The following XRCC4 variants were observed in gnomAD, a reference collection of about 807,000 sequenced individuals.
XRCC4 encodes DNA repair protein XRCC4.
In XRCC4, 28 loss-of-function variants were observed where a neutral mutation model predicts 39.1. The ratio of observed to expected loss-of-function variants is 0.72; its 90% CI spans 0.53 to 0.98. The LOEUF (loss-of-function observed/expected upper bound fraction) is 0.98. Ranked by LOEUF, XRCC4 falls within the 50% of genes least tolerant of loss-of-function variation. The probability of loss-of-function intolerance (pLI) is 0.00; values close to 1 mark genes in which losing one functional copy is unlikely to be tolerated. For synonymous variants in XRCC4, 123 were observed against 126.4 expected (o/e 0.97, Z 0.18); for missense variants, 350 against 376.4 (o/e 0.93, Z 0.58).
chr5:83,128,819 T>C (rs1221969782), intron 3 of XRCC4, among the ~76,000 whole-genome samples: 1 of 152,072 alleles, frequency 6.6e-6, no homozygotes, highest in East Asian at 1.9e-4. Flanking sequence ...TTTGATGGGG[T>C]TGTTTGATTT....
chr5:83,297,726 C>G (rs1755143859), intron 7 of XRCC4, among the ~76,000 whole-genome samples: 1 of 151,698 alleles, frequency 6.6e-6, no homozygotes, highest in Non-Finnish European at 1.5e-5. Context: ...TTTGTTATTT[C>G]TCTTTGGTAC....
intron 7 of XRCC4, among the ~76,000 whole-genome samples, chr5:83,271,084 T>C (rs530196749): frequency 2.6e-5 from 4 of 152,348 alleles, no homozygotes; most frequent in Non-Finnish European, 5.9e-5. Flanking sequence ...ATGAACCTGA[T>C]TGAAGTTTTC....
intron 4 of XRCC4, among the ~76,000 whole-genome samples, chr5:83,196,845 C>A (rs1750971651): frequency 6.6e-6 from 1 of 151,636 alleles, no homozygotes; most frequent in Non-Finnish European, 1.5e-5. Context: ...TTTAGCGCAA[C>A]CATTGTGATT....
At chr5:83,173,557 TAAAG>T (rs1396990570) in intron 3 of XRCC4, among the ~76,000 whole-genome samples, 1 of 152,120 alleles carries the variant, frequency 6.6e-6, no homozygotes, top group Non-Finnish European at 1.5e-5. Flanking sequence ...TCTAAAATCA[TAAAG>T]AAGAGATCAC....
downstream of XRCC4, among the ~76,000 whole-genome samples, chr5:83,358,268 G>C (rs1025016692): frequency 6.6e-6 from 1 of 152,066 alleles, no homozygotes; most frequent in African/African-American, 2.4e-5. Flanking sequence ...CACCATCGCT[G>C]TTCCTGACTC....
At chr5:83,366,770 G>C in the XRCC4 span, among the ~76,000 whole-genome samples, 1 of 151,904 alleles carries the variant, frequency 6.6e-6, no homozygotes. Flanking sequence ...AACATGCTGT[G>C]TTTCCTAGCA....
At chr5:83,351,709 TC>T (rs902441880) in intron 7 of XRCC4, among the ~76,000 whole-genome samples, 9 of 152,178 alleles carry the variant, frequency 5.9e-5, no homozygotes, top group African/African-American at 1.9e-4. Flanking sequence ...ACCTTGGCAC[TC>T]CTGTGATGAT....
intron 7 of XRCC4, among the ~76,000 whole-genome samples, chr5:83,288,404 C>T (rs78147329): frequency 0.023 from 3,433 of 151,900 alleles, 113 homozygotes; most frequent in African/African-American, 0.077. Context: ...TCTTATTCAC[C>T]TTTCACTTCT....
intron 6 of XRCC4, among the ~76,000 whole-genome samples, chr5:83,216,777 A>C (rs1181310614): frequency 6.6e-6 from 1 of 152,178 alleles, no homozygotes; most frequent in Admixed American, 6.6e-5. Flanking sequence ...ATATATAGGT[A>C]CTGAAAACCG....
chr5:83,190,237 T>A (rs906889546), intron 3 of XRCC4, among the ~76,000 whole-genome samples: 1 of 152,136 alleles, frequency 6.6e-6, no homozygotes, highest in African/African-American at 2.4e-5. Flanking sequence ...CACCTTTTTT[T>A]AAACATATCT....
intron 1 of XRCC4, among the ~76,000 whole-genome samples, chr5:83,100,959 TA>T (rs1197087586): frequency 6.6e-6 from 1 of 152,138 alleles, no homozygotes; most frequent in Non-Finnish European, 1.5e-5. Context: ...CAAAGGACCT[TA>T]TTGTAGGAGA....
At chr5:83,110,647 C>G (rs149478049) in intron 2 of XRCC4, among the ~76,000 whole-genome samples, 1 of 152,104 alleles carries the variant, frequency 6.6e-6, no homozygotes, top group East Asian at 1.9e-4. Flanking sequence ...GCTATTGAAT[C>G]TTTGATGCAA....
intron 6 of XRCC4, among the ~76,000 whole-genome samples, chr5:83,207,888 C>T (rs1361066794): frequency 6.6e-6 from 1 of 151,978 alleles, no homozygotes; most frequent in Admixed American, 6.6e-5. Context: ...TAATAAATTA[C>T]TTGCTCTTTG....
rs70973389 is a variant in XRCC4, at chr5:83,300,546, T to TTGTGTGTGTG, written c.893+41891_893+41900dup. ...ATGACACACTAATTTTATCTTTTGTTTGTGTGTGTGTGTGTGTGTGTGTGT... is the reference window on the plus strand; with the variant it reads ...ATGACACACTAATTTTATCTTTTGTTTGTGTGTGTGTGTGTGTGTGTGTGTGTGTGTGTGT... On this transcript the variant is annotated intron_variant, in intron 7 of 7. Transcript: ENST00000396027. Among the ~76,000 whole-genome samples the TTGTGTGTGTG allele has an allele frequency of 0.017, 2,166 of 126,942 alleles. 228 individuals are homozygous for TTGTGTGTGTG. In the East Asian group the frequency reaches 0.3, roughly 18 times the overall value. The allele number at this position is 126,942 out of a possible 152,430, so 83.3% of individuals were successfully genotyped here. A position where few individuals can be genotyped will look rare whatever the true frequency, so the allele number is the denominator to read the frequency against.
intron 7 of XRCC4, among the ~76,000 whole-genome samples, chr5:83,322,506 C>T (rs1387840319): frequency 2.0e-5 from 3 of 152,258 alleles, no homozygotes; most frequent in East Asian, 3.9e-4. Flanking sequence ...CTCCCCCAAC[C>T]GCCGCATGCG....
chr5:83,369,992 G>T, the XRCC4 span, among the ~76,000 whole-genome samples: 1 of 152,060 alleles, frequency 6.6e-6, no homozygotes, highest in Non-Finnish European at 1.5e-5. Context: ...TTGAAAATAT[G>T]AGTCTTTTTC....
At chr5:83,178,924 T>C (rs1372936442) in intron 3 of XRCC4, among the ~76,000 whole-genome samples, 1 of 152,154 alleles carries the variant, frequency 6.6e-6, no homozygotes, top group Non-Finnish European at 1.5e-5. Context: ...AGGCTTTGCA[T>C]GTGGTACTCC....
intron 3 of XRCC4, among the ~76,000 whole-genome samples, chr5:83,132,619 A>G (rs1316974503): frequency 6.6e-6 from 1 of 150,976 alleles, no homozygotes; most frequent in African/African-American, 2.4e-5. Context: ...TTCTCACTTC[A>G]TTTCATCCAT....
intron 7 of XRCC4, among the ~76,000 whole-genome samples, chr5:83,324,861 G>A (rs188168119): frequency 1.1e-3 from 168 of 152,218 alleles, no homozygotes; most frequent in African/African-American, 3.8e-3. Context: ...CAAGAACAAA[G>A]CCACTTTATA....
Sources: gnomAD v4.1 joint callset for allele counts (sites outside exome capture counted in the v4.1 genomes callset) on GRCh38, gnomAD v4.1.1 for gene constraint, MANE v1.5 for transcripts, NCBI Gene and HGNC (gene_info 2026-07-23, HGNC 2026-07-21) for gene names.